The following KIAA1549L variants were observed in gnomAD, a reference collection of about 807,000 sequenced individuals.
KIAA1549L encodes the protein KIAA1549 like.
In KIAA1549L, 88 loss-of-function variants were observed where a neutral mutation model predicts 160.7. The observed-to-expected ratio is 0.55, with a 90% CI of 0.46 to 0.65. The LOEUF (loss-of-function observed/expected upper bound fraction) is 0.65. KIAA1549L is among the 30% of genes least tolerant of loss of function. KIAA1549L has a pLI of 0.00. For missense variants in KIAA1549L, 2,258 were observed against 2,437.5 expected (o/e 0.93, Z 1.55); for synonymous variants, 950 against 976.7 (o/e 0.97, Z 0.51).
At position 33,543,833 on chromosome 11, in the gene KIAA1549L, A is replaced by G. The variant is rs986170239; in HGVS notation, c.2270A>G (p.Gln757Arg). ...TCAGCTGCCGATGCCATAAAATCTC[A>G]GGATTTCAAAGATACTGCTGGGCAT... Reference protein sequence around the residue: ...LTSAADAIKSQDFKDTAGHSV... With the variant: ...LTSAADAIKSRDFKDTAGHSV... Residue 757 changes from glutamine to arginine, a missense_variant, in exon 2 of 21, where the codon CAG becomes CGG. Gln to Arg is a conservative substitution (Grantham distance 43). Coordinates refer to ENST00000658780, the MANE Select transcript of KIAA1549L (RefSeq NM_012194.3). The G allele has an allele frequency of 1.9e-6, 3 of 1,612,624 alleles. No individual in the cohort carries two copies. The highest frequency in any genetic ancestry group is 2.7e-5 in the African/African-American group (2 of 74,908).
chr11:33,420,242 T>TTTTTGTTTTGTTTTG (rs1850982708), intron 1 of KIAA1549L, among the ~76,000 whole-genome samples: 1 of 147,940 alleles, frequency 6.8e-6, no homozygotes. Context: ...TTTGTTTTTT[T>TTTTTGTTTTGTTTTG]TTTTTTTTTG....
Position 33,583,322 on chromosome 11 carries a change from T to C in KIAA1549L, c.4403-16T>C, listed in dbSNP as rs1855703752. 1.9e-6 allele frequency: 3 copies of C among 1,593,146 alleles called. No homozygotes were observed. The African/African-American group carries it at 4.0e-5, about 21-fold the overall frequency. ...GTGTTGCTTGTCATGTCCCTCCTGCTGGCTCTTTCCCACAGCCGTGGTGAA... is the reference window on the plus strand; with the variant it reads ...GTGTTGCTTGTCATGTCCCTCCTGCCGGCTCTTTCCCACAGCCGTGGTGAA... On this transcript the variant is annotated splice_polypyrimidine_tract_variant and intron_variant, in intron 10 of 20. Coordinates refer to ENST00000658780, the MANE Select transcript of KIAA1549L (RefSeq NM_012194.3).
At chr11:33,615,854 T>C (rs919474728) in intron 15 of KIAA1549L, among the ~76,000 whole-genome samples, 1 of 152,248 alleles carries the variant, frequency 6.6e-6, no homozygotes, top group Non-Finnish European at 1.5e-5. Flanking sequence ...CTCAAGACAG[T>C]TGTAAAGTCT....
In KIAA1549L at chr11:33,541,820, T is replaced by C. The variant is rs1854029762; in HGVS notation, c.257T>C (p.Met86Thr). The change falls in exon 2 of 21, where the codon ATG becomes ACG. Residue 86 changes from methionine (M) to threonine (T), a missense_variant. Met to Thr is a moderately conservative substitution (Grantham distance 81). Around this residue, in one of 6 missense-constraint regions of KIAA1549L, gnomAD observed 540 missense variants for 465.7 expected, o/e 1.16. Transcript: ENST00000658780. ...QADPGTDNLQ[M>T]NVTRTPESFP... is the part of the protein sequence containing the mutation. Reference sequence around the variant, plus strand: ...TTCACAGGAACAGACAATCTACAGATGAATGTCACCCGGACTCCAGAGTCA... The same window carrying C: ...TTCACAGGAACAGACAATCTACAGACGAATGTCACCCGGACTCCAGAGTCA... 1 of 289,058 alleles carries C rather than the reference T, an allele frequency of 3.5e-6. No homozygotes were observed. Among genetic ancestry groups the C allele is most frequent in the African/African-American group, 2.2e-5 (1 of 45,902 alleles). The allele number at this position is 289,058 out of a possible 1,614,324, so 17.9% of individuals were successfully genotyped here. A position where few individuals can be genotyped will look rare whatever the true frequency, so the allele number is the denominator to read the frequency against.
At chr11:33,423,021 G>A (rs944678344) in intron 1 of KIAA1549L, among the ~76,000 whole-genome samples, 5 of 152,150 alleles carry the variant, frequency 3.3e-5, no homozygotes, top group Non-Finnish European at 7.3e-5. Flanking sequence ...ATGTAAATGC[G>A]ATTGATTTAT....
chr11:33,629,346 T>C (rs1244070713), intron 16 of KIAA1549L, among the ~76,000 whole-genome samples: 6 of 152,112 alleles, frequency 3.9e-5, no homozygotes, highest in Non-Finnish European at 8.8e-5. Context: ...CCTTGCTAGA[T>C]TGGGGAAGTT....
chr11:33,639,009 G>A (rs1262548874), intron 16 of KIAA1549L, among the ~76,000 whole-genome samples: 1 of 152,042 alleles, frequency 6.6e-6, no homozygotes, highest in Non-Finnish European at 1.5e-5. Context: ...TTTATATATT[G>A]TGGATACAAA....
intron 1 of KIAA1549L, among the ~76,000 whole-genome samples, chr11:33,508,144 G>A (rs1853135215): frequency 6.6e-6 from 1 of 152,178 alleles, no homozygotes; most frequent in Admixed American, 6.5e-5. Flanking sequence ...CTTGCGCAAT[G>A]CATCTGCTCC....
rs1333703698 is a variant in KIAA1549L, at chr11:33,568,570, G to A, written c.4230+343G>A. 3.9e-5 allele frequency among the ~76,000 whole-genome samples: 6 copies of A among 152,214 alleles called. No individual in the cohort carries two copies. In the East Asian group the frequency reaches 1.2e-3, roughly 29 times the overall value. Reference sequence around the variant, plus strand: ...CATCAGCTTGTTCAGTAAGCTCAATGAAGTCCCAGCTCTCTGTCCTTTTAG... The same window carrying A: ...CATCAGCTTGTTCAGTAAGCTCAATAAAGTCCCAGCTCTCTGTCCTTTTAG... On this transcript the variant is annotated intron_variant, in intron 9 of 20. Transcript: ENST00000658780.
chr11:33,522,900 C>A (rs1356877411), intron 1 of KIAA1549L, among the ~76,000 whole-genome samples: 10 of 147,202 alleles, frequency 6.8e-5, no homozygotes, highest in Non-Finnish European at 7.5e-5. Flanking sequence ...TTCTCTCTCT[C>A]AAAAAAAAAA....
Position 33,459,885 on chromosome 11 carries a change from C to T in KIAA1549L, c.239-81917C>T, listed in dbSNP as rs1195544150. Among the ~76,000 whole-genome samples, 5 of 140,160 alleles carry T rather than the reference C, an allele frequency of 3.6e-5. No individual in the cohort carries two copies. The South Asian group carries it at 7.1e-4, about 20-fold the overall frequency. 92.0% of individuals were successfully genotyped at this position (140,160 alleles called of 152,430 possible). A position where few individuals can be genotyped will look rare whatever the true frequency, so the allele number is the denominator to read the frequency against. On this transcript the variant is annotated intron_variant, in intron 1 of 20. Transcript: ENST00000658780. ...CTGAGGCAGGAGAATGGCGTGAACCCGGGAGGCAGAGCTTGCAGTGAGCCG... is the reference window on the plus strand; with the variant it reads ...CTGAGGCAGGAGAATGGCGTGAACCTGGGAGGCAGAGCTTGCAGTGAGCCG...
At chr11:33,453,670 A>G (rs967583905) in intron 1 of KIAA1549L, among the ~76,000 whole-genome samples, 1 of 152,244 alleles carries the variant, frequency 6.6e-6, no homozygotes, top group African/African-American at 2.4e-5. Context: ...TATCATGAAT[A>G]TAATTGAATA....
intron 12 of KIAA1549L, among the ~76,000 whole-genome samples, 169 bp from the exon 13 acceptor site, chr11:33,598,651 G>A (rs568040653): frequency 1.3e-5 from 2 of 152,326 alleles, no homozygotes; most frequent in East Asian, 1.9e-4. Flanking sequence ...CTTAACCCAC[G>A]CTGTAGTGTG....
chr11:33,664,744 G>T (rs192454165), intron 20 of KIAA1549L, among the ~76,000 whole-genome samples: 101 of 152,320 alleles, frequency 6.6e-4, no homozygotes, highest in Admixed American at 2.2e-3. Flanking sequence ...CCGGCACTTT[G>T]ATCTCGGACT....
chr11:33,647,790 TAAA>T (rs11363213), intron 17 of KIAA1549L, among the ~76,000 whole-genome samples: 1 of 150,572 alleles, frequency 6.6e-6, no homozygotes. Context: ...TAAAACCATC[TAAA>T]AAAAAAAAAT....
chr11:33,668,101 G>A lies in KIAA1549L; in HGVS notation c.6388G>A (p.Glu2130Lys). 1.2e-6 allele frequency: 2 copies of A among 1,613,892 alleles called. No individual in the cohort carries two copies. The part of the protein sequence containing the change: ...TAALVKAIRE[E>K]VAKLAKKQTD... ...GGCCCTTGTGAAGGCCATCCGGGAG[G>A]AGGTGGCCAAGCTGGCCAAAAAACA... Residue 2130 changes from glutamate to lysine, a missense_variant, in exon 21 of 21, where the codon GAG (glutamate) becomes AAG (lysine). Physicochemically the swap from Glu to Lys is moderately conservative, Grantham distance 56 (BLOSUM62 1). Around this residue, in one of 6 missense-constraint regions of KIAA1549L, gnomAD observed 1,359 missense variants for 1,546.6 expected, o/e 0.88. Transcript: ENST00000658780.
chr11:33,480,305 C>T (rs1285390400), intron 1 of KIAA1549L, among the ~76,000 whole-genome samples: 1 of 152,176 alleles, frequency 6.6e-6, no homozygotes, highest in South Asian at 2.1e-4. Flanking sequence ...ATTTGATTGG[C>T]TTCTTTCACT....
At chr11:33,417,534 T>C (rs145356317) in intron 1 of KIAA1549L, among the ~76,000 whole-genome samples, 3 of 152,300 alleles carry the variant, frequency 2.0e-5, no homozygotes, top group Admixed American at 1.3e-4. Context: ...CTTTCAGCCA[T>C]GTCTTTTATT....
chr11:33,487,282 T>C (rs1852548283), intron 1 of KIAA1549L, among the ~76,000 whole-genome samples: 1 of 152,096 alleles, frequency 6.6e-6, no homozygotes, highest in Non-Finnish European at 1.5e-5. Context: ...GGAGACTAAT[T>C]TGGAGGGGTG....
Sources: allele counts gnomAD v4.1 joint callset (sites outside exome capture counted in the v4.1 genomes callset), GRCh38; gene constraint gnomAD v4.1.1; regional missense constraint gnomAD v4.1.1; transcripts MANE v1.5; gene names NCBI Gene and HGNC (gene_info 2026-07-23, HGNC 2026-07-21).